The following ERN1 variants were observed in gnomAD, a reference collection of about 807,000 sequenced individuals.
The protein encoded by ERN1 is serine/threonine-protein kinase/endoribonuclease IRE1.
Under a neutral mutation model 113.1 loss-of-function variants are expected in ERN1, and 39 were observed. That is an observed-to-expected ratio of 0.34 (90% CI 0.27 to 0.45). The LOEUF is 0.45. Among genes scored for constraint, ERN1 ranks in the 20% least tolerant of loss-of-function variants. ERN1 has a pLI of 1.00. For missense variants in ERN1, 976 were observed against 1,274.8 expected (o/e 0.77, Z 3.57); for synonymous variants, 507 against 515.9 (o/e 0.98, Z 0.23).
chr17:64,072,368 C>A (rs1002486924), intron 5 of ERN1, among the ~76,000 whole-genome samples: 3 of 152,384 alleles, frequency 2.0e-5, no homozygotes, highest in Admixed American at 2.0e-4. Flanking sequence ...GTTCCCCAAA[C>A]TTTCAAGTTA....
At chr17:64,079,575 G>C in intron 4 of ERN1, 87 bp downstream of exon 4, 1 of 1,087,868 alleles carries the variant, frequency 9.2e-7, no homozygotes, top group East Asian at 2.4e-5. Context: ...GCTCCAGGTG[G>C]GAGACACAGT....
chr17:64,125,998 A>C (rs1233490312), intron 1 of ERN1, among the ~76,000 whole-genome samples: 1 of 152,182 alleles, frequency 6.6e-6, no homozygotes, highest in East Asian at 1.9e-4. Flanking sequence ...TATTGATAGA[A>C]AGACTGTCTA....
chr17:64,122,761 T>G (rs1914985689), intron 1 of ERN1, among the ~76,000 whole-genome samples: 1 of 152,230 alleles, frequency 6.6e-6, no homozygotes, highest in African/African-American at 2.4e-5. Context: ...TGTTTTAACT[T>G]GTATAAGGAT....
rs1476114803 is a variant in ERN1 at position 64,040,850 on chromosome 17, A to G, written c.*3138T>C. On this transcript the variant is annotated 3_prime_UTR_variant, in exon 22 of 22. Coordinates refer to ENST00000433197, the MANE Select transcript of ERN1 (RefSeq NM_001433.5). ...TGCCTAATGACTTGTGGAGCACTTC[A>G]AAAACTGAGATTAGGCCGGGTGCGG... 2 of 152,242 alleles carry G rather than the reference A, an allele frequency of 1.3e-5. No homozygotes were observed. The highest frequency in any genetic ancestry group is 4.8e-5 in the African/African-American group (2 of 41,460). 9.4% of individuals were successfully genotyped at this position (152,242 alleles called of 1,614,324 possible).
chr17:64,108,687 T>C (rs1340629979), intron 1 of ERN1, among the ~76,000 whole-genome samples: 3 of 152,228 alleles, frequency 2.0e-5, no homozygotes, highest in African/African-American at 7.2e-5. Context: ...CAGGCTAATT[T>C]ACTTTAATGG....
rs552002281 is a variant in ERN1 at position 64,102,092 on chromosome 17, C to G, written c.55-3851G>C. Among the ~76,000 whole-genome samples, 3 of 152,130 alleles carry G rather than the reference C, an allele frequency of 2.0e-5. No homozygotes were observed. The East Asian group carries it at 5.8e-4, about 29-fold the overall frequency. On this transcript the variant is annotated intron_variant, in intron 1 of 21. Coordinates refer to ENST00000433197, the MANE Select transcript of ERN1 (RefSeq NM_001433.5). ...GTCAGAAGTTTGAGACCAGCCTAGT[C>G]AACATGGTGAAACCCCGTCTGTACT...
chr17:64,053,040 TGGG>T (rs1369497202), intron 16 of ERN1, 61 bp from the exon 17 acceptor site: 1 of 757,698 alleles, frequency 1.3e-6, no homozygotes, highest in Non-Finnish European at 2.1e-6. Context: ...CCTCCTCCAA[TGGG>T]GAATGTGTCC....
At chr17:64,064,617 C>T (rs750606658) in intron 9 of ERN1, among the ~76,000 whole-genome samples, 11 of 152,220 alleles carry the variant, frequency 7.2e-5, no homozygotes, top group Admixed American at 4.6e-4. Context: ...GAGAGCCAAC[C>T]ACACAGCCCA....
chr17:64,104,773 C>T (rs1162609071), intron 1 of ERN1, among the ~76,000 whole-genome samples: 10 of 151,896 alleles, frequency 6.6e-5, no homozygotes, highest in African/African-American at 1.9e-4. Context: ...GAGCCAAGAT[C>T]GCACCACTGC....
At chr17:64,101,276 G>A (rs1468701831) in intron 1 of ERN1, among the ~76,000 whole-genome samples, 2 of 152,126 alleles carry the variant, frequency 1.3e-5, no homozygotes, top group African/African-American at 4.8e-5. Context: ...GGGCGTGGTG[G>A]TGGGTGCCTG....
At chr17:64,116,904 A>G (rs1914819885) in intron 1 of ERN1, among the ~76,000 whole-genome samples, 1 of 148,500 alleles carries the variant, frequency 6.7e-6, no homozygotes, top group African/African-American at 2.5e-5. Flanking sequence ...GGAGATTGAG[A>G]CCATCCTGGC....
chr17:64,096,677 A>G (rs1914239393), intron 2 of ERN1, among the ~76,000 whole-genome samples: 1 of 152,188 alleles, frequency 6.6e-6, no homozygotes, highest in Non-Finnish European at 1.5e-5. Context: ...TACACATTCA[A>G]TTGAGTTAAA....
intron 1 of ERN1, among the ~76,000 whole-genome samples, chr17:64,119,638 C>T (rs139611756): frequency 1.5e-4 from 22 of 151,554 alleles, no homozygotes; most frequent in Admixed American, 2.6e-4. Context: ...ATGATCCGCC[C>T]GTCTCAGCCT....
chr17:64,048,949 G>C, intron 18 of ERN1, 106 bp downstream of exon 18: 2 of 1,159,942 alleles, frequency 1.7e-6, no homozygotes, highest in Non-Finnish European at 2.3e-6. Flanking sequence ...TGAGCAGCTG[G>C]GGCACCACGG....
At chr17:64,077,483 G>C (rs561060166) in intron 4 of ERN1, among the ~76,000 whole-genome samples, 1 of 152,020 alleles carries the variant, frequency 6.6e-6, no homozygotes, top group East Asian at 1.9e-4. Context: ...AAACAGCAGA[G>C]ACTCGTTTTT....
In ERN1 at chr17:64,123,497, T is replaced by C. The variant is rs1322925679; in HGVS notation, c.54+6479A>G. Among the ~76,000 whole-genome samples the C allele has an allele frequency of 2.0e-5, 3 of 152,228 alleles. No homozygotes were observed. In the East Asian group the frequency reaches 5.8e-4, roughly 29 times the overall value. The stretch of plus-strand genomic sequence containing the variant: ...CTATTTTCATCCAACTTTTAAAGTC[T>C]ACGCTCCTAAAAGAAAGTGGCCACT... On this transcript the variant is annotated intron_variant, in intron 1 of 21. Transcript: ENST00000433197.
At chr17:64,098,518 C>T (rs1385907575) in intron 1 of ERN1, 1 of 634,574 alleles carries the variant, frequency 1.6e-6, no homozygotes, top group South Asian at 1.4e-5. Context: ...TCCACTGAAA[C>T]AGAGGGGCAA....
chr17:64,079,621 C>G, intron 4 of ERN1, 41 bp downstream of exon 4: 1 of 1,532,578 alleles, frequency 6.5e-7, no homozygotes. Context: ...GACCGCTGGT[C>G]TAGAACCCCT....
chr17:64,050,074 C>T (rs1001745305), intron 17 of ERN1, among the ~76,000 whole-genome samples: 2 of 152,172 alleles, frequency 1.3e-5, no homozygotes, highest in East Asian at 1.9e-4. Context: ...GCTTTCATCC[C>T]CAGATGAGAA....
Sources: gnomAD v4.1 joint callset for allele counts (sites outside exome capture counted in the v4.1 genomes callset) on GRCh38, gnomAD v4.1.1 for gene constraint, MANE v1.5 for transcripts, NCBI Gene and HGNC (gene_info 2026-07-23, HGNC 2026-07-21) for gene names.